Variants in TTC6 observed in about 807,000 individuals in gnomAD.
TTC6 encodes tetratricopeptide repeat protein 6.
Under a neutral mutation model 210.4 loss-of-function variants are expected in TTC6, and 172 were observed. The observed-to-expected ratio is 0.82, with a 90% CI of 0.72 to 0.93. TTC6 has a LOEUF of 0.93. TTC6 is among the 40% of genes least tolerant of loss of function. The probability of loss-of-function intolerance (pLI) is 0.00; values close to 1 mark genes in which losing one functional copy is unlikely to be tolerated. For synonymous variants in TTC6, 804 were observed against 819.6 expected, an observed-to-expected ratio of 0.98 and a Z score of 0.32; for missense variants, 2,414 against 2,318.1, an observed-to-expected ratio of 1.04 and a Z score of -0.85.
At chr14:37,644,288 A>G (rs1355942073) in intron 1 of TTC6, among the ~76,000 whole-genome samples, 2 of 152,178 alleles carry the variant, frequency 1.3e-5, no homozygotes, top group Non-Finnish European at 2.9e-5. Flanking sequence ...TGCAATACCA[A>G]TGTGGTGTTC....
chr14:37,797,045 A>G (rs1166057335), intron 20 of TTC6, 98 bp downstream of exon 22: 2 of 1,117,350 alleles, frequency 1.8e-6, no homozygotes, highest in Non-Finnish European at 2.4e-6. Context: ...AAATTAAGTC[A>G]TACTATTTAT....
At chr14:37,622,227 C>T (rs1171312822) in exon 1 of TTC6, 4 of 1,535,456 alleles carry the variant, frequency 2.6e-6, no homozygotes, top group Non-Finnish European at 2.6e-6. Context: ...CCACAGCCTC[C>T]ATGCCCCCGG....
At position 37,664,641 on chromosome 14, in the gene TTC6, A is replaced by G. The variant is rs142729084; in HGVS notation, c.940-15510A>G. 2.6e-3 allele frequency among the ~76,000 whole-genome samples: 390 copies of G among 150,876 alleles called. 4 individuals carry two copies. The highest frequency in any genetic ancestry group is 9.0e-3 in the African/African-American group (373 of 41,464). On this transcript the variant is annotated intron_variant, in intron 1 of 30. Coordinates refer to ENST00000553443, the Ensembl canonical transcript of TTC6. ...AAAAGCAATTGCAACAAAAGCAAAC[A>G]TTGACAAATGGGATCTAATTAAACT... is the stretch of plus-strand genomic sequence containing the variant.
intron 1 of TTC6, among the ~76,000 whole-genome samples, chr14:37,648,441 G>A (rs568023649): frequency 3.3e-5 from 5 of 152,214 alleles, no homozygotes; most frequent in African/African-American, 9.6e-5. Context: ...GTTACAGTAT[G>A]TTTCTATACA....
intron 28 of TTC6, 114 bp from the exon 31 acceptor site, chr14:37,827,082 C>T (rs2096173531): frequency 1.2e-6 from 1 of 852,122 alleles, no homozygotes; most frequent in Admixed American, 3.3e-5. Context: ...TTTACATGCA[C>T]TATAAAATTA....
At chr14:37,597,839 T>G (rs1479360842) in intron 1 of TTC6, among the ~76,000 whole-genome samples, 1 of 152,102 alleles carries the variant, frequency 6.6e-6, no homozygotes, top group African/African-American at 2.4e-5. Context: ...GGGATTTAGG[T>G]TCTTAGAGCC....
At chr14:37,672,410 A>G (rs2095760056) in intron 1 of TTC6, among the ~76,000 whole-genome samples, 1 of 152,068 alleles carries the variant, frequency 6.6e-6, no homozygotes, top group Non-Finnish European at 1.5e-5. Context: ...TTTGAAAAAC[A>G]TTATTCTTCG....
chr14:37,838,813 C>A lies in TTC6; in HGVS notation c.5299-2632C>A, dbSNP rs549590277. On this transcript the variant is annotated intron_variant, in intron 29 of 30. Coordinates refer to ENST00000553443, the Ensembl canonical transcript of TTC6. ...CATCATTTACATATCCCTCCCCCAC[C>A]CACTGACAGGCCCTGGTGTGTGATG... Among the ~76,000 whole-genome samples the A allele has an allele frequency of 4.4e-4, 67 of 152,256 alleles. 1 individual carries two copies. In the South Asian group the frequency reaches 0.013, roughly 30 times the overall value.
intron 3 of TTC6, among the ~76,000 whole-genome samples, chr14:37,691,767 A>G (rs983097515): frequency 1.3e-5 from 2 of 152,140 alleles, no homozygotes; most frequent in Admixed American, 1.3e-4. Flanking sequence ...GGTTTTTTGA[A>G]AAGCTAAACA....
At chr14:37,696,124 A>G (rs537208737) in intron 3 of TTC6, among the ~76,000 whole-genome samples, 1 of 152,222 alleles carries the variant, frequency 6.6e-6, no homozygotes, top group South Asian at 2.1e-4. Flanking sequence ...TCAAACCTAA[A>G]CCCTACCTAA....
rs768798091 is a variant in TTC6 at position 37,827,373 on chromosome 14, T to A, written c.5298+7T>A. The A allele has an allele frequency of 1.7e-5, 28 of 1,611,292 alleles. No homozygotes were observed. The highest frequency in any genetic ancestry group is 2.7e-5 in the African/African-American group (2 of 74,800). The stretch of plus-strand genomic sequence containing the variant: ...CCACAGGCAGTTTTCCCAGGTAATG[T>A]GAGTTTTACTTAACGCTTTCTTTTT... On this transcript the variant is annotated splice_region_variant and intron_variant, in intron 29 of 30. Transcript: ENST00000553443.
chr14:37,672,660 AG>A (rs1245353678), intron 1 of TTC6, among the ~76,000 whole-genome samples: 1 of 152,170 alleles, frequency 6.6e-6, no homozygotes, highest in Non-Finnish European at 1.5e-5. Flanking sequence ...TGAAACGAAA[AG>A]TCTGGATTTT....
At chr14:37,661,963 C>A (rs1056807491) in intron 1 of TTC6, among the ~76,000 whole-genome samples, 1 of 152,098 alleles carries the variant, frequency 6.6e-6, no homozygotes, top group African/African-American at 2.4e-5. Context: ...ATTTGGCTCT[C>A]CACTTGTGTG....
chr14:37,701,237 C>T, intron 4 of TTC6, 95 bp from the exon 7 acceptor site: 1 of 860,190 alleles, frequency 1.2e-6, no homozygotes, highest in Non-Finnish European at 1.6e-6. Flanking sequence ...TTATGTATGT[C>T]TTTAGAACCT....
At chr14:37,654,858 T>G (rs1424694256) in intron 1 of TTC6, among the ~76,000 whole-genome samples, 1 of 152,218 alleles carries the variant, frequency 6.6e-6, no homozygotes, top group East Asian at 1.9e-4. Flanking sequence ...AGTCAGGTAT[T>G]TGAATCTTTG....
exon 9 of TTC6, chr14:37,737,726 C>G: frequency 6.6e-7 from 1 of 1,504,466 alleles, no homozygotes. Context: ...ACAACCTACA[C>G]AACTAAGGGT....
At chr14:37,777,216 C>G (rs1400278447) in intron 14 of TTC6, among the ~76,000 whole-genome samples, 2 of 152,160 alleles carry the variant, frequency 1.3e-5, no homozygotes, top group African/African-American at 4.8e-5. Flanking sequence ...ATTTCTCTCC[C>G]TTTCTTTCAG....
At position 37,749,138 on chromosome 14, in the gene TTC6, A is replaced by T. The variant is rs12586727; in HGVS notation, c.2563A>T (p.Ile855Leu). 7.2e-6 allele frequency: 11 copies of T among 1,535,422 alleles called. No homozygotes were observed. The Admixed American group carries it at 2.2e-4, about 30-fold the overall frequency. Reference sequence around the variant, plus strand: ...GCTCATTGAGTACAAAGATGCGAGCATACCTGTAAAAGAGAAAGATGATAA... The same window carrying T: ...GCTCATTGAGTACAAAGATGCGAGCTTACCTGTAAAAGAGAAAGATGATAA... Residue 855 changes from isoleucine (I) to leucine (L), a missense_variant, in exon 11 of 31, where the codon ATA becomes TTA. By Grantham distance (5) the Ile-to-Leu change is conservative. Coordinates refer to ENST00000553443, the Ensembl canonical transcript of TTC6.
At chr14:37,839,335 A>G (rs2096204906) in intron 29 of TTC6, among the ~76,000 whole-genome samples, 2 of 152,110 alleles carry the variant, frequency 1.3e-5, no homozygotes, top group African/African-American at 4.8e-5. Context: ...AATGATCATC[A>G]TTCTAACTGA....
Sources: gnomAD v4.1 joint callset for allele counts (sites outside exome capture counted in the v4.1 genomes callset) on GRCh38, gnomAD v4.1.1 for gene constraint, MANE v1.5 for transcripts, NCBI Gene and HGNC (gene_info 2026-07-23, HGNC 2026-07-21) for gene names.